RNF38: variants seen among roughly 807,000 people sequenced by gnomAD.
RNF38 encodes the protein E3 ubiquitin-protein ligase RNF38.
In RNF38, 15 loss-of-function variants were observed where a neutral mutation model predicts 67.2. That is an observed-to-expected ratio of 0.22 (90% CI 0.15 to 0.34). The LOEUF (loss-of-function observed/expected upper bound fraction) is 0.34. Ranked by LOEUF, RNF38 falls within the 10% of genes least tolerant of loss-of-function variation. The pLI, the probability that RNF38 is intolerant of heterozygous loss-of-function variation, is 1.00. For missense variants in RNF38, 524 were observed against 639.9 expected (o/e 0.82, Z 1.95); for synonymous variants, 220 against 218.8 (o/e 1.01, Z -0.05).
chr9:36,410,851 T>A (rs1358738255), intron 2 of RNF38, among the ~76,000 whole-genome samples: 4 of 151,772 alleles, frequency 2.6e-5, no homozygotes. Flanking sequence ...AGTCTAGGAG[T>A]AGAATGTTGT....
intron 5 of RNF38, 96 bp downstream of exon 5, chr9:36,357,679 C>A (rs1834230361): frequency 1.2e-6 from 1 of 867,292 alleles, no homozygotes; most frequent in Admixed American, 2.4e-5. Flanking sequence ...TGCAGTTAGC[C>A]CCTCTAAAGA....
chr9:36,484,856 G>A (rs561224075), intron 1 of RNF38, among the ~76,000 whole-genome samples: 1 of 152,180 alleles, frequency 6.6e-6, no homozygotes, highest in Non-Finnish European at 1.5e-5. Flanking sequence ...ATATTCAACT[G>A]TATGGGTCTA....
chr9:36,356,383 G>C lies in RNF38; in HGVS notation c.829C>G (p.Pro277Ala). 2 of 1,614,056 alleles carry C rather than the reference G, an allele frequency of 1.2e-6. No individual in the cohort carries two copies. Among genetic ancestry groups the C allele is most frequent in the Non-Finnish European group, 1.7e-6 (2 of 1,179,978 alleles). ...GGAGGATGATGGGGAGAAAGGTGAG[G>C]AGGATGTATAAGAAATGGATCACTA... ...ISSDPFLIHPPHLSPHHPPHL... is the reference protein window; with the variant it reads ...ISSDPFLIHPAHLSPHHPPHL... Residue 277 changes from proline (P) to alanine (A), a missense_variant, in exon 6 of 12, where the codon CCT becomes GCT. By Grantham distance (27) the Pro-to-Ala change is conservative (BLOSUM62 -1). Around this residue, in one of 2 missense-constraint regions of RNF38, gnomAD observed 461 missense variants for 517.4 expected, o/e 0.89. Transcript: ENST00000259605.
chr9:36,433,384 AC>A, intron 1 of RNF38, among the ~76,000 whole-genome samples: 1 of 151,948 alleles, frequency 6.6e-6, no homozygotes, highest in Non-Finnish European at 1.5e-5. Flanking sequence ...TATCTCATGT[AC>A]CCCCATAAAT....
At chr9:36,400,770 G>C (rs1198848788), upstream of RNF38, 27 of 985,536 alleles carry the variant, frequency 2.7e-5, no homozygotes, top group Non-Finnish European at 3.0e-5. Context: ...AACGACGGCT[G>C]CACGCCCAGA....
At chr9:36,343,439 A>G (rs1223777654) in intron 10 of RNF38, among the ~76,000 whole-genome samples, 1 of 152,224 alleles carries the variant, frequency 6.6e-6, no homozygotes, top group Non-Finnish European at 1.5e-5. Context: ...ATGGAAAATG[A>G]AGCAAGGATC....
At chr9:36,370,027 A>G in intron 3 of RNF38, 95 bp from the exon 4 acceptor site, 1 of 986,610 alleles carries the variant, frequency 1.0e-6, no homozygotes, top group Non-Finnish European at 1.5e-6. Context: ...AGTATATGCT[A>G]AGGTAAGCTT....
intron 4 of RNF38, among the ~76,000 whole-genome samples, chr9:36,365,608 T>C (rs1353087053): frequency 3.3e-5 from 5 of 150,648 alleles, no homozygotes; most frequent in African/African-American, 4.9e-5. Context: ...ACTCTCTCAA[T>C]AATGCTTTGG....
At chr9:36,484,998 C>G (rs1000184878) in intron 1 of RNF38, among the ~76,000 whole-genome samples, 3 of 152,056 alleles carry the variant, frequency 2.0e-5, no homozygotes, top group African/African-American at 7.2e-5. Flanking sequence ...AACCCCGTCT[C>G]TACTAAAAAT....
chr9:36,416,091 T>C (rs1441658439), intron 2 of RNF38, among the ~76,000 whole-genome samples: 2 of 151,462 alleles, frequency 1.3e-5, no homozygotes, highest in Non-Finnish European at 2.9e-5. Context: ...GTGTTTTGTT[T>C]TACGCTACCA....
intron 1 of RNF38, among the ~76,000 whole-genome samples, chr9:36,453,682 A>C (rs950952218): frequency 1.3e-5 from 2 of 151,882 alleles, no homozygotes; most frequent in Non-Finnish European, 2.9e-5. Context: ...TGCGCCCGCC[A>C]CTGAGCTAAG....
chr9:36,371,023 G>C (rs759312806), intron 3 of RNF38, among the ~76,000 whole-genome samples: 26 of 152,056 alleles, frequency 1.7e-4, no homozygotes, highest in Non-Finnish European at 3.1e-4. Context: ...CTTTCATTTT[G>C]TTCTTCTCTG....
chr9:36,368,888 T>C (rs1835167833), intron 4 of RNF38, among the ~76,000 whole-genome samples: 1 of 148,782 alleles, frequency 6.7e-6, no homozygotes, highest in South Asian at 2.1e-4. Context: ...ACACATGTCT[T>C]TTTTTTTTTG....
intron 10 of RNF38, 37 bp from the exon 11 acceptor site, chr9:36,342,461 AGAT>A: frequency 7.5e-7 from 1 of 1,334,984 alleles, no homozygotes; most frequent in Non-Finnish European, 1.1e-6. Flanking sequence ...CCACAAAACC[AGAT>A]GGTTTTCTAT....
intron 11 of RNF38, 73 bp downstream of exon 11, chr9:36,342,252 G>T: frequency 2.8e-6 from 3 of 1,053,092 alleles, no homozygotes; most frequent in Non-Finnish European, 3.0e-6. Context: ...ACTGAGCTAT[G>T]AACTTACTCT....
chr9:36,416,818 T>C (rs896338767), intron 2 of RNF38, among the ~76,000 whole-genome samples: 5 of 127,078 alleles, frequency 3.9e-5, no homozygotes, highest in Non-Finnish European at 7.9e-5. Context: ...AGCGGCACCA[T>C]CTCAGCTCAC....
At chr9:36,365,991 T>C (rs182909164) in intron 4 of RNF38, among the ~76,000 whole-genome samples, 2 of 152,244 alleles carry the variant, frequency 1.3e-5, no homozygotes, top group African/African-American at 4.8e-5. Flanking sequence ...TTCTTTAGTA[T>C]TACTATGATT....
chr9:36,357,198 G>GA (rs1167829909), intron 5 of RNF38, among the ~76,000 whole-genome samples: 1 of 151,396 alleles, frequency 6.6e-6, no homozygotes, highest in African/African-American at 2.4e-5. Flanking sequence ...TCAGAGGCAA[G>GA]AAAAAAAAAG....
intron 1 of RNF38, among the ~76,000 whole-genome samples, chr9:36,391,828 T>C (rs1391741018): frequency 6.6e-6 from 1 of 152,160 alleles, no homozygotes; most frequent in Non-Finnish European, 1.5e-5. Flanking sequence ...TTAGCCAGGA[T>C]GGTCTCGATC....
Sources: allele counts gnomAD v4.1 joint callset (sites outside exome capture counted in the v4.1 genomes callset), GRCh38; gene constraint gnomAD v4.1.1; regional missense constraint gnomAD v4.1.1; transcripts MANE v1.5; gene names NCBI Gene and HGNC (gene_info 2026-07-23, HGNC 2026-07-21).